Variants in NCBP1 observed in about 807,000 individuals in gnomAD.
NCBP1 encodes the protein nuclear cap-binding protein subunit 1.
In NCBP1, 16 loss-of-function variants were observed where a neutral mutation model predicts 111.7. The ratio of observed to expected loss-of-function variants is 0.14; its 90% CI spans 0.10 to 0.22. NCBP1 has a LOEUF of 0.22. Among genes scored for constraint, NCBP1 ranks in the 10% least tolerant of loss-of-function variants. NCBP1 has a pLI of 1.00. For missense variants in NCBP1, 607 were observed against 957.5 expected, an observed-to-expected ratio of 0.63 and a Z score of 4.83; for synonymous variants, 304 against 314.3, an observed-to-expected ratio of 0.97 and a Z score of 0.35.
intron 1 of NCBP1, chr9:97,635,860 G>A (rs963004792): frequency 2.0e-5 from 3 of 152,102 alleles, no homozygotes; most frequent in Non-Finnish European, 4.4e-5. Flanking sequence ...TCACTTAGAG[G>A]TAATCCCTAA....
At chr9:97,657,789 ATTAAT>A (rs544979656) in intron 14 of NCBP1, among the ~76,000 whole-genome samples, 112 of 151,638 alleles carry the variant, frequency 7.4e-4, no homozygotes, top group African/African-American at 2.6e-3. Context: ...GTAGGGACTA[ATTAAT>A]TTATATTTCA....
intron 2 of NCBP1, 117 bp downstream of exon 2, chr9:97,640,999 G>T: frequency 1.5e-6 from 1 of 667,494 alleles, no homozygotes. Context: ...GTATTACCAT[G>T]CATCTGTATC....
Position 97,666,693 on chromosome 9 carries a change from A to G in NCBP1, c.1902-70A>G, listed in dbSNP as rs1828013570. The G allele has an allele frequency of 5.7e-6, 6 of 1,049,022 alleles. No individual in the cohort carries two copies. In the South Asian group the frequency reaches 6.6e-5, roughly 12 times the overall value. The allele number at this position is 1,049,022 out of a possible 1,614,324, so 65.0% of individuals were successfully genotyped here. ...ATCAGCTGTTAAGAATGAAATTACAAAAGTTGAAAGATTTTATTTTCTGTA... is the reference window on the plus strand; with the variant it reads ...ATCAGCTGTTAAGAATGAAATTACAGAAGTTGAAAGATTTTATTTTCTGTA... On this transcript the variant is annotated intron_variant, in intron 19 of 22. Transcript: ENST00000375147.
intron 6 of NCBP1, 139 bp downstream of exon 6, chr9:97,645,871 A>C: frequency 9.3e-7 from 1 of 1,073,138 alleles, no homozygotes; most frequent in Non-Finnish European, 1.3e-6. Flanking sequence ...CTGCTGTTTT[A>C]ACTCACTGAG....
intron 14 of NCBP1, among the ~76,000 whole-genome samples, chr9:97,656,451 C>T (rs1005455528): frequency 7.2e-5 from 11 of 152,086 alleles, no homozygotes; most frequent in African/African-American, 2.7e-4. Context: ...TGTTGGCGAA[C>T]GTCTATAATC....
Position 97,653,905 on chromosome 9 carries a change from A to C in NCBP1, c.1167A>C (p.Gln389His). Reference protein sequence around the residue: ...LCKLQPGSLPQVLAQATEMLY... With the variant: ...LCKLQPGSLPHVLAQATEMLY... ...AACTTCAACCTGGCTCTCTACCCCA[A>C]GTTGTATCCTTTTCTTTATTTTTAA... The change falls in exon 11 of 23, where the codon CAA becomes CAC. Residue 389 changes from glutamine (Q) to histidine (H), a missense_variant. Gln to His is a conservative substitution (Grantham distance 24). Around this residue, in one of 9 missense-constraint regions of NCBP1, gnomAD observed 4 missense variants for 20.8 expected, o/e 0.19. Transcript: ENST00000375147. 6.2e-7 allele frequency: 1 copy of C among 1,603,224 alleles called. No homozygotes were observed. Among genetic ancestry groups the C allele is most frequent in the Non-Finnish European group, 8.5e-7 (1 of 1,171,072 alleles).
In NCBP1 at chr9:97,633,831, T is replaced by C. The variant is rs1416153788; in HGVS notation, c.-51T>C. 6.4e-7 allele frequency: 1 copy of C among 1,553,896 alleles called. No homozygotes were observed. The highest frequency in any genetic ancestry group is 8.7e-7 in the Non-Finnish European group (1 of 1,155,950). ...CGTCGGCCAGCGGCCAGACAGTTCCTGCAGCGCTTACCGCCTGGCCTCTCG... is the reference window on the plus strand; with the variant it reads ...CGTCGGCCAGCGGCCAGACAGTTCCCGCAGCGCTTACCGCCTGGCCTCTCG... On this transcript the variant is annotated 5_prime_UTR_variant, in exon 1 of 23. Coordinates refer to ENST00000375147, the MANE Select transcript of NCBP1 (RefSeq NM_002486.5).
intron 20 of NCBP1, 124 bp downstream of exon 20, chr9:97,667,001 AT>A: frequency 2.8e-6 from 2 of 703,536 alleles, no homozygotes; most frequent in Non-Finnish European, 4.4e-6. Context: ...CAGAGCAGAA[AT>A]TTTTCTGAGC....
Position 97,663,929 on chromosome 9 carries a change from A to G in NCBP1, c.1798-411A>G, listed in dbSNP as rs111906281. Among the ~76,000 whole-genome samples the G allele has an allele frequency of 2.5e-3, 384 of 151,936 alleles. 3 individuals carry two copies. The highest frequency in any genetic ancestry group is 4.2e-3 in the South Asian group (20 of 4,794). ...CGTGGTGGCTCTTACCTGTAATCCT[A>G]GCACTTTGGGAGGCCGAGATGGATG... On this transcript the variant is annotated intron_variant, in intron 18 of 22. Transcript: ENST00000375147.
chr9:97,636,058 CAAGT>C (rs1339930665), intron 1 of NCBP1: 1 of 152,086 alleles, frequency 6.6e-6, no homozygotes, highest in African/African-American at 2.4e-5. Flanking sequence ...GTAAATAAGA[CAAGT>C]AAAACAAAGC....
intron 14 of NCBP1, among the ~76,000 whole-genome samples, 191 bp downstream of exon 14, chr9:97,656,276 A>G (rs1005258027): frequency 7.9e-5 from 12 of 152,222 alleles, no homozygotes; most frequent in Admixed American, 6.5e-5. Flanking sequence ...ATTTAAGCCA[A>G]TAAGTTCTTT....
At chr9:97,641,348 A>G (rs1187839574) in intron 2 of NCBP1, among the ~76,000 whole-genome samples, 1 of 152,114 alleles carries the variant, frequency 6.6e-6, no homozygotes, top group African/African-American at 2.4e-5. Flanking sequence ...TACTAAACCC[A>G]TTATAGCTCT....
In NCBP1 at chr9:97,643,217, C is replaced by T. The variant is rs1297754470; in HGVS notation, c.238C>T (p.Pro80Ser). Residue 80 changes from proline (P) to serine (S), a missense_variant, in exon 4 of 23, where the codon CCT becomes TCT. Transcript: ENST00000375147. ...RLLCTVARLL[P>S]EKLTIYTTLV... ...TTCTTAAATCAGTGCACGCCTATTACCTGAGAAGCTGACAATTTATACAAC... is the reference window on the plus strand; with the variant it reads ...TTCTTAAATCAGTGCACGCCTATTATCTGAGAAGCTGACAATTTATACAAC... The T allele has an allele frequency of 1.2e-6, 2 of 1,607,376 alleles. No homozygotes were observed. Among genetic ancestry groups the T allele is most frequent in the South Asian group, 1.1e-5 (1 of 89,674 alleles).
intron 14 of NCBP1, 104 bp from the exon 15 acceptor site, chr9:97,658,536 C>T (rs777623371): frequency 1.4e-5 from 12 of 844,536 alleles, no homozygotes; most frequent in Non-Finnish European, 2.4e-5. Flanking sequence ...TGGTTGTCAG[C>T]TGAGTTCAAG....
intron 14 of NCBP1, among the ~76,000 whole-genome samples, chr9:97,658,187 G>A (rs992113165): frequency 6.6e-6 from 1 of 151,892 alleles, no homozygotes; most frequent in African/African-American, 2.4e-5. Context: ...ATCCATAACT[G>A]TTTTTATGTC....
intron 7 of NCBP1, 118 bp from the exon 8 acceptor site, chr9:97,647,889 TG>T: frequency 2.2e-6 from 2 of 889,324 alleles, no homozygotes; most frequent in Admixed American, 5.8e-5. Flanking sequence ...CACCTTTTTT[TG>T]TACCATCTTA....
rs1377725090 is a variant in NCBP1 at position 97,633,838 on chromosome 9, C to G, written c.-44C>G. 1 of 1,560,322 alleles carries G rather than the reference C, an allele frequency of 6.4e-7. No individual in the cohort carries two copies. Among genetic ancestry groups the G allele is most frequent in the Non-Finnish European group, 8.6e-7 (1 of 1,159,464 alleles). ...CAGCGGCCAGACAGTTCCTGCAGCGCTTACCGCCTGGCCTCTCGGTTCCGC... is the reference window on the plus strand; with the variant it reads ...CAGCGGCCAGACAGTTCCTGCAGCGGTTACCGCCTGGCCTCTCGGTTCCGC... On this transcript the variant is annotated 5_prime_UTR_variant, in exon 1 of 23. Transcript: ENST00000375147.
At chr9:97,664,296 T>G in intron 18 of NCBP1, 44 bp from the exon 19 acceptor site, 1 of 1,233,862 alleles carries the variant, frequency 8.1e-7, no homozygotes, top group South Asian at 1.2e-5. Flanking sequence ...TATATGTGTG[T>G]GTATGTGTGT....
chr9:97,668,187 C>T (rs1233199285), intron 20 of NCBP1, among the ~76,000 whole-genome samples: 1 of 152,188 alleles, frequency 6.6e-6, no homozygotes. Flanking sequence ...TCTGGCTCTG[C>T]CACTTTCTGA....
Sources: gnomAD v4.1 joint callset for allele counts (sites outside exome capture counted in the v4.1 genomes callset) on GRCh38, gnomAD v4.1.1 for gene constraint, gnomAD v4.1.1 regional missense constraint, MANE v1.5 for transcripts, NCBI Gene and HGNC (gene_info 2026-07-23, HGNC 2026-07-21) for gene names.